Variants in CDH23 observed in about 807,000 individuals in gnomAD.
CDH23 encodes cadherin-23.
A neutral mutation model predicts 317.1 loss-of-function variants in CDH23; 189 were observed. The ratio of observed to expected loss-of-function variants is 0.60; its 90% CI spans 0.53 to 0.67. The LOEUF is 0.67. Ranked by LOEUF, CDH23 falls within the 30% of genes least tolerant of loss-of-function variation. The pLI is 0.00. For synonymous variants in CDH23, 1,839 were observed against 1,876.8 expected (o/e 0.98, Z 0.52); for missense variants, 4,401 against 4,592.4 (o/e 0.96, Z 1.20).
intron 38 of CDH23, among the ~76,000 whole-genome samples, chr10:71,773,003 C>T (rs937913888): frequency 1.3e-5 from 2 of 152,228 alleles, no homozygotes; most frequent in Non-Finnish European, 2.9e-5. Flanking sequence ...GTGATATCCA[C>T]CAGAACACAC....
At chr10:71,566,366 A>G (rs1490946798) in intron 6 of CDH23, among the ~76,000 whole-genome samples, 1 of 152,152 alleles carries the variant, frequency 6.6e-6, no homozygotes, top group Non-Finnish European at 1.5e-5. Flanking sequence ...AAGGGCTGCC[A>G]GGAGGGAGGC....
intron 26 of CDH23, chr10:71,707,370 TC>T: frequency 1.5e-6 from 2 of 1,365,680 alleles, no homozygotes; most frequent in South Asian, 3.8e-5. Flanking sequence ...TGAGCCCCAC[TC>T]CCCGCCCCAA....
At chr10:71,570,199 G>T (rs1285709805) in intron 7 of CDH23, among the ~76,000 whole-genome samples, 1 of 152,156 alleles carries the variant, frequency 6.6e-6, no homozygotes, top group Non-Finnish European at 1.5e-5. Flanking sequence ...TGGTTGGATT[G>T]GGAAAAGTCA....
intron 3 of CDH23, among the ~76,000 whole-genome samples, chr10:71,447,031 C>T (rs2132025317): frequency 6.6e-6 from 1 of 152,302 alleles, no homozygotes; most frequent in East Asian, 1.9e-4. Context: ...AACAGCAGCA[C>T]CTGAAAAGGG....
chr10:71,562,387 G>A (rs1413838346), intron 6 of CDH23, among the ~76,000 whole-genome samples: 3 of 152,222 alleles, frequency 2.0e-5, no homozygotes, highest in Non-Finnish European at 2.9e-5. Flanking sequence ...AGAGGGAGCT[G>A]GCATTTACCC....
intron 3 of CDH23, among the ~76,000 whole-genome samples, chr10:71,459,032 C>T (rs550813167): frequency 8.9e-4 from 133 of 150,062 alleles, no homozygotes; most frequent in Non-Finnish European, 1.5e-3. Context: ...TGATCCAGCC[C>T]GCCCTGGCCT....
Position 71,812,024 on chromosome 10 carries a change from G to A in CDH23, c.9380+9G>A, listed in dbSNP as rs766033338. The A allele has an allele frequency of 1.5e-5, 24 of 1,614,014 alleles. No individual in the cohort carries two copies. The highest frequency in any genetic ancestry group is 2.2e-5 in the South Asian group (2 of 91,090). ...AAGTACTCCTTTGATGGGTGAGTGGGGTACTGGCCCTGCCCGGTCCCCTGC... is the reference window on the plus strand; with the variant it reads ...AAGTACTCCTTTGATGGGTGAGTGGAGTACTGGCCCTGCCCGGTCCCCTGC... On this transcript the variant is annotated intron_variant, in intron 66 of 69. Coordinates refer to ENST00000224721, the MANE Select transcript of CDH23 (RefSeq NM_022124.6).
intron 6 of CDH23, among the ~76,000 whole-genome samples, chr10:71,528,194 A>G (rs1271923988): frequency 6.6e-6 from 1 of 152,116 alleles, no homozygotes; most frequent in Non-Finnish European, 1.5e-5. Context: ...TGTGCCCAGA[A>G]AGAGAAGACA....
chr10:71,695,083 G>T (rs573680294), intron 21 of CDH23, among the ~76,000 whole-genome samples: 1 of 152,326 alleles, frequency 6.6e-6, no homozygotes, highest in South Asian at 2.1e-4. Flanking sequence ...GGAGGCTCAA[G>T]GGATTCTATT....
intron 38 of CDH23, among the ~76,000 whole-genome samples, chr10:71,764,235 C>T (rs148547856): frequency 4.7e-4 from 72 of 152,238 alleles, no homozygotes; most frequent in Middle Eastern, 3.4e-3. Context: ...TTGTGCACTA[C>T]GCTAAGGGTT....
chr10:71,415,267 T>A (rs1848489558), intron 1 of CDH23, among the ~76,000 whole-genome samples: 1 of 152,090 alleles, frequency 6.6e-6, no homozygotes, highest in Non-Finnish European at 1.5e-5. Context: ...GGCTAATTTT[T>A]AAATTACTTG....
intron 34 of CDH23, 81 bp from the exon 35 acceptor site, chr10:71,738,416 TA>T (rs1839627957): frequency 1.3e-6 from 2 of 1,538,358 alleles, no homozygotes; most frequent in Non-Finnish European, 1.8e-6. Context: ...ATCTGGTCCC[TA>T]CTGGACCCAC....
chr10:71,644,624 C>T (rs2132591211), intron 12 of CDH23, among the ~76,000 whole-genome samples: 1 of 152,330 alleles, frequency 6.6e-6, no homozygotes, highest in South Asian at 2.1e-4. Context: ...CAGCCACCCT[C>T]TCACCAGGAA....
intron 1 of CDH23, among the ~76,000 whole-genome samples, chr10:71,419,357 A>C (rs1848652430): frequency 1.3e-5 from 2 of 152,170 alleles, no homozygotes; most frequent in Non-Finnish European, 2.9e-5. Context: ...CCACCCCAGT[A>C]CATCACTGTG....
chr10:71,626,113 A>G (rs1235542363), intron 11 of CDH23, among the ~76,000 whole-genome samples: 5 of 152,140 alleles, frequency 3.3e-5, no homozygotes, highest in African/African-American at 1.2e-4. Flanking sequence ...GATTATAACA[A>G]CCTTTTAGAA....
chr10:71,688,584 G>A (rs1378338364), intron 19 of CDH23, among the ~76,000 whole-genome samples: 3 of 145,536 alleles, frequency 2.1e-5, no homozygotes, highest in South Asian at 2.2e-4. Flanking sequence ...TGTGGAGTCA[G>A]GGGTGGTGGA....
At chr10:71,466,163 G>A (rs1296564641) in intron 3 of CDH23, among the ~76,000 whole-genome samples, 1 of 152,234 alleles carries the variant, frequency 6.6e-6, no homozygotes, top group Non-Finnish European at 1.5e-5. Flanking sequence ...GGGAGAGACT[G>A]TGGGTGTATG....
At chr10:71,609,355 C>T (rs189688476) in intron 9 of CDH23, among the ~76,000 whole-genome samples, 9 of 152,064 alleles carry the variant, frequency 5.9e-5, no homozygotes, top group African/African-American at 2.2e-4. Flanking sequence ...TTGCTTGACT[C>T]TGCGGCGCCC....
At chr10:71,426,035 G>T (rs746294794) in intron 1 of CDH23, among the ~76,000 whole-genome samples, 3 of 152,188 alleles carry the variant, frequency 2.0e-5, no homozygotes, top group Non-Finnish European at 4.4e-5. Flanking sequence ...GGGGAGAAGG[G>T]GAAATAAGAA....
Sources: gnomAD v4.1 joint callset for allele counts (sites outside exome capture counted in the v4.1 genomes callset) on GRCh38, gnomAD v4.1.1 for gene constraint, MANE v1.5 for transcripts, NCBI Gene and HGNC (gene_info 2026-07-23, HGNC 2026-07-21) for gene names.